Variants in CIB1 observed in about 807,000 individuals in gnomAD.
CIB1 encodes the protein calcium and integrin binding 1.
CIB1 carries 19 observed loss-of-function variants against 25.0 expected under a neutral mutation model. That is an observed-to-expected ratio of 0.76 (90% CI 0.53 to 1.12). CIB1 has a LOEUF of 1.12. Ranked by LOEUF, CIB1 falls within the 50% of genes most tolerant of loss-of-function variation. CIB1 has a pLI of 0.00. For synonymous variants in CIB1, 104 were observed against 98.5 expected, an observed-to-expected ratio of 1.06 and a Z score of -0.33; for missense variants, 236 against 242.6, an observed-to-expected ratio of 0.97 and a Z score of 0.18.
chr15:90,238,336 G>A (rs1030910135), upstream of CIB1, among the ~76,000 whole-genome samples: 3 of 152,160 alleles, frequency 2.0e-5, no homozygotes, highest in Non-Finnish European at 4.4e-5. Context: ...ATTTCTAAGT[G>A]TATAGTCGTG....
chr15:90,258,952 T>A, the CIB1 span: 1 of 1,613,928 alleles, frequency 6.2e-7, no homozygotes, highest in African/African-American at 1.3e-5. Flanking sequence ...TGGCATGTGT[T>A]TAGTTCTTCA....
chr15:90,239,305 A>ATGTGTGTGTGTGTGTGTGTGTGTG, the CIB1 span, among the ~76,000 whole-genome samples: 3 of 147,874 alleles, frequency 2.0e-5, no homozygotes, highest in African/African-American at 7.5e-5. Flanking sequence ...GAGACATAAA[A>ATGTGTGTGTGTGTGTGTGTGTGTG]TGTGTGTGTG....
chr15:90,248,705 C>T, the CIB1 span, among the ~76,000 whole-genome samples: 1 of 92,674 alleles, frequency 1.1e-5, no homozygotes, highest in Admixed American at 1.4e-4. Flanking sequence ...GGCTACAAAG[C>T]AAGACCCTGT....
Position 90,230,510 on chromosome 15 carries a change from AC to A in CIB1, c.555-6del. ...CACAGGACAATCTTAAAGGAGCTGA[AC>A]AAGAGAAAAGCGGTGGGTTTTCTGC... On this transcript the variant is annotated splice_polypyrimidine_tract_variant and splice_region_variant and intron_variant, in intron 6 of 6. Coordinates refer to ENST00000328649, the MANE Select transcript of CIB1 (RefSeq NM_006384.4). The A allele has an allele frequency of 2.6e-6, 4 of 1,551,686 alleles. No homozygotes were observed. The highest frequency in any genetic ancestry group is 3.5e-6 in the Non-Finnish European group (4 of 1,146,980).
chr15:90,265,433 C>G, the CIB1 span: 1 of 1,303,532 alleles, frequency 7.7e-7, no homozygotes, highest in South Asian at 1.8e-5. Context: ...AGGGACGGCT[C>G]TTGGAAACGG....
upstream of CIB1, among the ~76,000 whole-genome samples, chr15:90,237,851 C>G (rs1172937635): frequency 6.6e-6 from 1 of 152,070 alleles, no homozygotes; most frequent in Non-Finnish European, 1.5e-5. Context: ...ACTTGGGAGG[C>G]TGAGGTGGAT....
At chr15:90,258,033 C>T in the CIB1 span, 77 of 1,613,276 alleles carry the variant, frequency 4.8e-5, no homozygotes, top group East Asian at 1.4e-3. Flanking sequence ...CACTGGGCCT[C>T]GCAGGAAGCT....
chr15:90,232,445 G>C, intron 2 of CIB1, 118 bp from the exon 3 acceptor site: 4 of 1,428,578 alleles, frequency 2.8e-6, no homozygotes, highest in Non-Finnish European at 3.7e-6. Flanking sequence ...CACGTACACA[G>C]AACTTCCGAG....
the CIB1 span, among the ~76,000 whole-genome samples, chr15:90,256,919 C>T: frequency 1.3e-5 from 2 of 152,208 alleles, no homozygotes; most frequent in South Asian, 4.2e-4. Context: ...AACTCCTGAA[C>T]TCGTGATCCA....
At chr15:90,249,915 G>C in the CIB1 span, 1 of 152,186 alleles carries the variant, frequency 6.6e-6, no homozygotes, top group Non-Finnish European at 1.5e-5. Flanking sequence ...AAGGGCCAGC[G>C]TAGGGGGCTT....
chr15:90,244,453 A>G, the CIB1 span: 2 of 152,184 alleles, frequency 1.3e-5, no homozygotes. Context: ...GTCAGTAGAC[A>G]CTATTCTAAG....
At chr15:90,243,014 T>A in the CIB1 span, 1 of 152,216 alleles carries the variant, frequency 6.6e-6, no homozygotes, top group Non-Finnish European at 1.5e-5. Context: ...CCCGTTCTTG[T>A]TCAAGCCCCA....
chr15:90,257,252 C>G, the CIB1 span: 3 of 1,613,654 alleles, frequency 1.9e-6, no homozygotes, highest in African/African-American at 1.3e-5. Context: ...TGCCACCACG[C>G]CCTATATGGA....
At chr15:90,257,182 C>A in the CIB1 span, 83 of 1,613,992 alleles carry the variant, frequency 5.1e-5, 1 homozygote, top group South Asian at 8.6e-4. Flanking sequence ...GAGTCTACGT[C>A]CTGATCACAT....
At chr15:90,247,228 C>T in the CIB1 span, among the ~76,000 whole-genome samples, 3 of 151,454 alleles carry the variant, frequency 2.0e-5, no homozygotes, top group African/African-American at 7.3e-5. Context: ...CCTGCCTCAG[C>T]CTCCCAAAGT....
chr15:90,261,528 C>T, the CIB1 span, among the ~76,000 whole-genome samples: 1 of 151,972 alleles, frequency 6.6e-6, no homozygotes, highest in East Asian at 1.9e-4. Flanking sequence ...TACGGTGGCT[C>T]ACACCTATAA....
chr15:90,254,774 A>G, the CIB1 span, among the ~76,000 whole-genome samples: 1 of 152,136 alleles, frequency 6.6e-6, no homozygotes, highest in South Asian at 2.1e-4. Context: ...TGAGCCTGGG[A>G]GGCAGAGGCC....
At chr15:90,265,709 C>T in the CIB1 span, 58 of 1,613,136 alleles carry the variant, frequency 3.6e-5, no homozygotes, top group Admixed American at 4.8e-4. Flanking sequence ...TGGTTTGCGT[C>T]GACATGGCGG....
At chr15:90,256,255 C>G in the CIB1 span, 2 of 1,614,208 alleles carry the variant, frequency 1.2e-6, no homozygotes, top group East Asian at 4.5e-5. Flanking sequence ...CCCGGGAGAT[C>G]AAGCCAGGAG....
Sources: allele counts gnomAD v4.1 joint callset (sites outside exome capture counted in the v4.1 genomes callset), GRCh38; gene constraint gnomAD v4.1.1; transcripts MANE v1.5; gene names NCBI Gene and HGNC (gene_info 2026-07-23, HGNC 2026-07-21).